MIPOL1: variants seen among roughly 807,000 people sequenced by gnomAD.
MIPOL1 encodes mirror-image polydactyly 1.
MIPOL1 carries 57 observed loss-of-function variants against 60.9 expected under a neutral mutation model. That is an observed-to-expected ratio of 0.94 (90% CI 0.76 to 1.17). The LOEUF is 1.17. Ranked by LOEUF, MIPOL1 falls within the 50% of genes most tolerant of loss-of-function variation. The pLI is 0.00. For synonymous variants in MIPOL1, 179 were observed against 168.8 expected (o/e 1.06, Z -0.47); for missense variants, 551 against 511.6 (o/e 1.08, Z -0.74).
chr14:37,229,912 GT>G (rs1239362792), intron 1 of MIPOL1, among the ~76,000 whole-genome samples: 1 of 152,162 alleles, frequency 6.6e-6, no homozygotes, highest in African/African-American at 2.4e-5. Flanking sequence ...GGGGCTAAAG[GT>G]TGGGGATGGG....
intron 7 of MIPOL1, among the ~76,000 whole-genome samples, chr14:37,303,027 C>T (rs2086452643): frequency 6.6e-6 from 1 of 151,816 alleles, no homozygotes; most frequent in African/African-American, 2.4e-5. Flanking sequence ...TATTTACATG[C>T]AATTTATGTT....
intron 11 of MIPOL1, among the ~76,000 whole-genome samples, chr14:37,457,225 C>T (rs1023574689): frequency 2.6e-5 from 4 of 152,156 alleles, no homozygotes; most frequent in Non-Finnish European, 5.9e-5. Flanking sequence ...ACTTTACCTA[C>T]AAGTGGGTGT....
In MIPOL1 at chr14:37,247,844, C is replaced by G. The variant is rs749486998; in HGVS notation, c.-45C>G. 5 of 1,608,320 alleles carry G rather than the reference C, an allele frequency of 3.1e-6. No individual in the cohort carries two copies. Among genetic ancestry groups the G allele is most frequent in the Non-Finnish European group, 4.2e-6 (5 of 1,177,078 alleles). Reference sequence around the variant, plus strand: ...TTTATTTTAGCTGCAAATCTTGGAGCAAAAACCAGAGACATTGCCAGAGCA... The same window carrying G: ...TTTATTTTAGCTGCAAATCTTGGAGGAAAAACCAGAGACATTGCCAGAGCA... On this transcript the variant is annotated 5_prime_UTR_variant, in exon 3 of 13. Transcript: ENST00000684589.
In MIPOL1 at chr14:37,208,684, C is replaced by G. The variant is rs1367011939; in HGVS notation, c.-199+10580C>G. Among the ~76,000 whole-genome samples the G allele has an allele frequency of 9.8e-5, 15 of 152,290 alleles. No homozygotes were observed. In the East Asian group the frequency reaches 2.9e-3, roughly 29 times the overall value. On this transcript the variant is annotated intron_variant, in intron 1 of 12. Transcript: ENST00000684589. The stretch of plus-strand genomic sequence containing the variant: ...TCTTGGCTCACTGCAACCTCTGCCC[C>G]CTGGGTTCAAGTGATTCTCCTGCCT...
intron 12 of MIPOL1, among the ~76,000 whole-genome samples, chr14:37,533,786 T>G (rs539675256): frequency 6.6e-6 from 1 of 152,314 alleles, no homozygotes; most frequent in East Asian, 1.9e-4. Context: ...CTCCGATGCT[T>G]CTTCCATAGA....
intron 11 of MIPOL1, among the ~76,000 whole-genome samples, chr14:37,455,108 G>A (rs773869475): frequency 1.8e-4 from 27 of 152,194 alleles, no homozygotes; most frequent in South Asian, 1.0e-3. Flanking sequence ...GACATTTTCA[G>A]TTGATATTTC....
At chr14:37,452,309 G>T (rs928506978) in intron 11 of MIPOL1, among the ~76,000 whole-genome samples, 21 of 152,116 alleles carry the variant, frequency 1.4e-4, no homozygotes, top group African/African-American at 4.3e-4. Context: ...TAGCAGAAAA[G>T]CATCAATTAT....
At chr14:37,328,924 G>A (rs1299468138) in intron 9 of MIPOL1, among the ~76,000 whole-genome samples, 1 of 152,034 alleles carries the variant, frequency 6.6e-6, no homozygotes, top group Non-Finnish European at 1.5e-5. Context: ...GGAAATAAAG[G>A]GATTAGGCTT....
At chr14:37,436,167 A>G (rs2094160268) in intron 11 of MIPOL1, among the ~76,000 whole-genome samples, 1 of 152,188 alleles carries the variant, frequency 6.6e-6, no homozygotes, top group Non-Finnish European at 1.5e-5. Context: ...GTTAAAAAAA[A>G]TACTACCAAC....
At position 37,304,273 on chromosome 14, in the gene MIPOL1, C is replaced by T. The variant is rs940779356; in HGVS notation, c.624-3783C>T. Among the ~76,000 whole-genome samples the T allele has an allele frequency of 2.0e-5, 3 of 151,554 alleles. No individual in the cohort carries two copies. In the Admixed American group the frequency reaches 2.0e-4, roughly 10 times the overall value. On this transcript the variant is annotated intron_variant, in intron 7 of 12. Coordinates refer to ENST00000684589, the MANE Select transcript of MIPOL1 (RefSeq NM_001388067.1). Reference sequence around the variant, plus strand: ...CATTGTATCTCTGTTACAGTGTCTGCTTTGTCTTATTCTGCCTCTCTCTGC... The same window carrying T: ...CATTGTATCTCTGTTACAGTGTCTGTTTTGTCTTATTCTGCCTCTCTCTGC...
intron 10 of MIPOL1, among the ~76,000 whole-genome samples, chr14:37,403,898 T>A (rs2093539285): frequency 6.6e-6 from 1 of 152,220 alleles, no homozygotes; most frequent in Non-Finnish European, 1.5e-5. Flanking sequence ...AAAGGCAGTG[T>A]CTTTAAGTGT....
intron 11 of MIPOL1, among the ~76,000 whole-genome samples, chr14:37,464,504 TCATAA>T (rs1401073185): frequency 2.0e-5 from 3 of 152,172 alleles, no homozygotes; most frequent in African/African-American, 7.2e-5. Context: ...CTCTGTGTTC[TCATAA>T]CTTATAAGTG....
chr14:37,493,148 T>A (rs759782922), intron 11 of MIPOL1, among the ~76,000 whole-genome samples: 1 of 152,270 alleles, frequency 6.6e-6, no homozygotes, highest in African/African-American at 2.4e-5. Context: ...GGCCAATACC[T>A]GATCATGGAG....
chr14:37,493,709 G>T (rs1038301685), intron 11 of MIPOL1, among the ~76,000 whole-genome samples: 10 of 152,218 alleles, frequency 6.6e-5, no homozygotes, highest in African/African-American at 2.4e-4. Context: ...AAAACTGGAA[G>T]AGCGAATTTA....
chr14:37,496,961 T>A (rs1213335215), intron 11 of MIPOL1, among the ~76,000 whole-genome samples: 1 of 151,412 alleles, frequency 6.6e-6, no homozygotes, highest in Admixed American at 6.6e-5. Flanking sequence ...GAGATATAGA[T>A]CAATGGAACA....
chr14:37,474,043 T>A (rs1470951755), intron 11 of MIPOL1, among the ~76,000 whole-genome samples: 1 of 152,214 alleles, frequency 6.6e-6, no homozygotes, highest in East Asian at 1.9e-4. Flanking sequence ...GAGACTGTCT[T>A]CTTTCACTAA....
chr14:37,501,547 A>T (rs528406265), intron 12 of MIPOL1: 1 of 152,292 alleles, frequency 6.6e-6, no homozygotes, highest in African/African-American at 2.4e-5. Flanking sequence ...CATTTCATTT[A>T]AAAAAACAAT....
intron 6 of MIPOL1, among the ~76,000 whole-genome samples, 170 bp downstream of exon 6, chr14:37,270,695 G>T (rs764550707): frequency 4.9e-5 from 7 of 143,016 alleles, no homozygotes; most frequent in Non-Finnish European, 8.9e-5. Flanking sequence ...TAACATCCTG[G>T]TACTGGTATT....
In MIPOL1 at chr14:37,540,960, A is replaced by G. The variant is rs74320905; in HGVS notation, c.1263-5945A>G. On this transcript the variant is annotated intron_variant, in intron 12 of 12. Transcript: ENST00000684589. ...AGTAATTGCTTCTGATCTCCTGATC[A>G]ATGCCATTTATTTAATATGAGTTTC... is the stretch of plus-strand genomic sequence containing the variant. Among the ~76,000 whole-genome samples, 1,052 of 152,282 alleles carry G rather than the reference A, an allele frequency of 6.9e-3. 13 individuals are homozygous for G. Among genetic ancestry groups the G allele is most frequent in the African/African-American group, 0.024 (1,015 of 41,550 alleles).
Sources: allele counts gnomAD v4.1 joint callset (sites outside exome capture counted in the v4.1 genomes callset), GRCh38; gene constraint gnomAD v4.1.1; transcripts MANE v1.5; gene names NCBI Gene and HGNC (gene_info 2026-07-23, HGNC 2026-07-21).